The following LAMA1 variants were observed in gnomAD, a reference collection of about 807,000 sequenced individuals.
LAMA1 encodes the protein laminin subunit alpha 1, also known as laminin subunit alpha-1.
LAMA1 carries 219 observed loss-of-function variants against 348.7 expected under a neutral mutation model. The ratio of observed to expected loss-of-function variants is 0.63; its 90% CI spans 0.56 to 0.70. LAMA1 has a LOEUF of 0.70. Among genes scored for constraint, LAMA1 ranks in the 30% least tolerant of loss-of-function variants. The pLI, the probability that LAMA1 is intolerant of heterozygous loss-of-function variation, is 0.00. For missense variants in LAMA1, 3,744 were observed against 3,888.0 expected, an observed-to-expected ratio of 0.96 and a Z score of 0.99; for synonymous variants, 1,487 against 1,491.0, an observed-to-expected ratio of 1.00 and a Z score of 0.06.
rs1395762127 is a variant in LAMA1, at chr18:6,985,689, T to C, written c.5380-46A>G. The C allele has an allele frequency of 3.2e-6, 4 of 1,254,610 alleles. No homozygotes were observed. In the East Asian group the frequency reaches 9.3e-5, roughly 29 times the overall value. The allele number at this position is 1,254,610 out of a possible 1,614,324, so 77.7% of individuals were successfully genotyped here. On this transcript the variant is annotated intron_variant, in intron 37 of 62. Transcript: ENST00000389658. ...TAAGGGTGCTTCATAAAAGCAACCC[T>C]GCTTCTGACCTTTGGTGCCTAATGC...
intron 19 of LAMA1, among the ~76,000 whole-genome samples, chr18:7,018,006 CA>C (rs2057896798): frequency 6.6e-6 from 1 of 152,058 alleles, no homozygotes; most frequent in Non-Finnish European, 1.5e-5. Flanking sequence ...AATCAATATT[CA>C]CAGGGGAACC....
chr18:7,080,092 TG>T lies in LAMA1; in HGVS notation c.233-6del. 6.2e-7 allele frequency: 1 copy of T among 1,609,486 alleles called. No homozygotes were observed. Among genetic ancestry groups the T allele is most frequent in the Non-Finnish European group, 8.5e-7 (1 of 1,175,958 alleles). On this transcript the variant is annotated splice_region_variant and splice_polypyrimidine_tract_variant and intron_variant, in intron 2 of 62. Transcript: ENST00000389658. ...CATGTGATATTGGATGGCGTTCTGT[TG>T]AAAGAAAATAAAAAACATGAATTCC... is the stretch of plus-strand genomic sequence containing the variant.
Position 6,943,280 on chromosome 18 carries a change from G to A in LAMA1, c.8967C>T (p.Ile2989=), listed in dbSNP as rs768389055. 3.1e-6 allele frequency: 5 copies of A among 1,614,090 alleles called. No individual in the cohort carries two copies. In the African/African-American group the frequency reaches 6.7e-5, roughly 22 times the overall value. The change falls in exon 62 of 63, where the codon ATC becomes ATT. Residue 2989 remains isoleucine (I), a synonymous_variant. Transcript: ENST00000389658. ...TLQANKSKHR[I]TLIVDGNAVG... is the part of the protein sequence containing the mutation. ...CTGCGTTCCCGTCAACAATCAGAGTGATACGGTGTTTGCTTTTGTTAGCTT... is the reference window on the plus strand; with the variant it reads ...CTGCGTTCCCGTCAACAATCAGAGTAATACGGTGTTTGCTTTTGTTAGCTT...
At chr18:7,079,484 C>G (rs568776487) in intron 3 of LAMA1, 1 of 192,528 alleles carries the variant, frequency 5.2e-6, no homozygotes, top group African/African-American at 2.4e-5. Context: ...CTCCAGCTTA[C>G]CTGGCCCAGA....
intron 44 of LAMA1, among the ~76,000 whole-genome samples, chr18:6,977,462 G>T (rs1166848426): frequency 6.6e-6 from 1 of 152,192 alleles, no homozygotes; most frequent in Non-Finnish European, 1.5e-5. Context: ...AGTCTATAAT[G>T]ATAAATCTCC....
intron 26 of LAMA1, among the ~76,000 whole-genome samples, chr18:7,009,834 G>A (rs191688571): frequency 1.3e-5 from 2 of 152,166 alleles, no homozygotes; most frequent in South Asian, 2.1e-4. Flanking sequence ...CTTCTTGCTC[G>A]GTCTCTCTGT....
rs142684171 is a variant in LAMA1 at position 6,946,503 on chromosome 18, A to G, written c.8844+660T>C. Among the ~76,000 whole-genome samples the G allele has an allele frequency of 9.2e-3, 1,401 of 152,206 alleles. 10 individuals are homozygous for G. Among genetic ancestry groups the G allele is most frequent in the Middle Eastern group, 0.034 (10 of 294 alleles). On this transcript the variant is annotated intron_variant, in intron 61 of 62. Coordinates refer to ENST00000389658, the MANE Select transcript of LAMA1 (RefSeq NM_005559.4). ...TGGGAGGCGAGGCGGGCGGATCACG[A>G]GGTCAGGAGTTCGAGAACAGCCTGA...
In LAMA1 at chr18:7,117,679, G is replaced by A. The variant is rs1598328296; in HGVS notation, c.42C>T (p.Ala14=). The A allele has an allele frequency of 3.8e-6, 6 of 1,598,946 alleles. No individual in the cohort carries two copies. The East Asian group carries it at 1.3e-4, about 36-fold the overall frequency. ...GCTCACCTCTCTGCCGGCACTGCGC[G>A]GCGACACACAGCAGCAAGACCAGGA... The part of the protein sequence containing the change: ...GVLLVLLLCV[A]AQCRQRGLFP... The change falls in exon 1 of 63, where the codon GCC becomes GCT. Residue 14 remains alanine, a synonymous_variant. Transcript: ENST00000389658.
intron 4 of LAMA1, among the ~76,000 whole-genome samples, chr18:7,049,645 A>G (rs138124069): frequency 2.6e-4 from 40 of 152,342 alleles, no homozygotes; most frequent in East Asian, 3.9e-4. Flanking sequence ...TGATTGTCTA[A>G]TGTCAGGACA....
Position 7,033,080 on chromosome 18 carries a change from A to G in LAMA1, c.2067T>C (p.Ser689=), listed in dbSNP as rs2057978007. The G allele has an allele frequency of 6.2e-7, 1 of 1,610,618 alleles. No homozygotes were observed. The highest frequency in any genetic ancestry group is 1.7e-5 in the Admixed American group (1 of 59,848). Residue 689 remains serine (S), a synonymous_variant, in exon 15 of 63, where the codon TCT becomes TCC. Coordinates refer to ENST00000389658, the MANE Select transcript of LAMA1 (RefSeq NM_005559.4). ...TGGCATTAGAGCTGGCTATGTCCAG[A>G]GAGACGGACTCCAACCTACAAATAG... ...KMALYRLESV[S]LDIASSNAID... is the part of the protein sequence containing the mutation.
chr18:7,065,404 C>G (rs947237489), intron 3 of LAMA1, among the ~76,000 whole-genome samples: 3 of 151,872 alleles, frequency 2.0e-5, no homozygotes, highest in African/African-American at 4.8e-5. Context: ...TACACATATT[C>G]TAGTAATTCT....
At position 7,098,793 on chromosome 18, in the gene LAMA1, G is replaced by A. The variant is rs2058276775; in HGVS notation, c.62-18336C>T. Among the ~76,000 whole-genome samples the A allele has an allele frequency of 2.3e-5, 3 of 129,514 alleles. No homozygotes were observed. In the South Asian group the frequency reaches 8.4e-4, roughly 36 times the overall value. The allele number at this position is 129,514 out of a possible 152,430, so 85.0% of individuals were successfully genotyped here. A position where few individuals can be genotyped will look rare whatever the true frequency, so the allele number is the denominator to read the frequency against. The stretch of plus-strand genomic sequence containing the variant: ...GCGCCTCTGCCCGGCCACCCCTACT[G>A]GGAAGTGAGGAGCCCCTCTGCCCGG... On this transcript the variant is annotated intron_variant, in intron 1 of 62. Transcript: ENST00000389658.
chr18:6,980,635 T>C lies in LAMA1; in HGVS notation c.5893A>G (p.Ile1965Val), dbSNP rs2057707170. 6.3e-7 allele frequency: 1 copy of C among 1,587,316 alleles called. No individual in the cohort carries two copies. The highest frequency in any genetic ancestry group is 1.3e-5 in the African/African-American group (1 of 74,424). Reference sequence around the variant, plus strand: ...CTCAATTCACTCAGTTCCAATGCAATACCTATTTAAAGGGAGAAAAATGTT... The same window carrying C: ...CTCAATTCACTCAGTTCCAATGCAACACCTATTTAAAGGGAGAAAAATGTT... ...GNNLSRKLPG[I>V]ALELSELRNK... Residue 1965 changes from isoleucine (I) to valine (V), a missense_variant and splice_region_variant, in exon 42 of 63, where the codon ATT becomes GTT. Physicochemically the swap from Ile to Val is conservative, Grantham distance 29. Transcript: ENST00000389658.
intron 58 of LAMA1, among the ~76,000 whole-genome samples, chr18:6,950,194 G>A (rs1447323082): frequency 6.6e-6 from 1 of 152,014 alleles, no homozygotes; most frequent in Non-Finnish European, 1.5e-5. Context: ...CAATCAATCA[G>A]CATTTGCCAT....
chr18:6,962,151 G>C, intron 51 of LAMA1, 92 bp from the exon 52 acceptor site: 1 of 851,992 alleles, frequency 1.2e-6, no homozygotes, highest in East Asian at 2.4e-5. Flanking sequence ...GCAAGGCACA[G>C]TGGCTTATGC....
intron 1 of LAMA1, among the ~76,000 whole-genome samples, chr18:7,115,814 CAAAAAAAAA>C (rs557585224): frequency 2.1e-5 from 2 of 94,840 alleles, no homozygotes; most frequent in South Asian, 4.1e-4. Context: ...ACTAAAAATA[CAAAAAAAAA>C]AAAAAAAAAA....
rs1432834977 is a variant in LAMA1 at position 6,961,588 on chromosome 18, C to T, written c.7624G>A (p.Val2542Met). 9.9e-6 allele frequency: 16 copies of T among 1,613,204 alleles called. No homozygotes were observed. Among genetic ancestry groups the T allele is most frequent in the Admixed American group, 1.7e-5 (1 of 60,006 alleles). ...TCAGGAGCACTGGCCCTACTCACCACGTGTGCTTCCTCACGATCACCCCGC... is the reference window on the plus strand; with the variant it reads ...TCAGGAGCACTGGCCCTACTCACCATGTGTGCTTCCTCACGATCACCCCGC... The part of the protein sequence containing the change: ...EKRGDREEAH[V>M]PFFSVMLIGG... The change falls in exon 53 of 63, where the codon GTG (valine) becomes ATG (methionine). Residue 2542 changes from valine (V) to methionine (M), a missense_variant and splice_region_variant. Around this residue, in one of 3 missense-constraint regions of LAMA1, gnomAD observed 1,983 missense variants for 1,934.3 expected, o/e 1.03. Coordinates refer to ENST00000389658, the MANE Select transcript of LAMA1 (RefSeq NM_005559.4).
intron 11 of LAMA1, chr18:7,038,525 T>A (rs2058005966): frequency 2.8e-5 from 13 of 469,474 alleles, no homozygotes; most frequent in South Asian, 2.7e-4. Context: ...AGAGCCGACC[T>A]CCCCACCCAA....
chr18:7,045,636 G>T (rs759499900), intron 6 of LAMA1, among the ~76,000 whole-genome samples: 72 of 152,024 alleles, frequency 4.7e-4, no homozygotes, highest in Non-Finnish European at 8.7e-4. Context: ...TCAGCTCACT[G>T]CAACCTCCAC....
Sources: allele counts gnomAD v4.1 joint callset (sites outside exome capture counted in the v4.1 genomes callset), GRCh38; gene constraint gnomAD v4.1.1; regional missense constraint gnomAD v4.1.1; transcripts MANE v1.5; gene names NCBI Gene and HGNC (gene_info 2026-07-23, HGNC 2026-07-21).